The following RBM34 variants were observed in gnomAD, a reference collection of about 807,000 sequenced individuals.
The protein encoded by RBM34 is RNA-binding protein 34.
A neutral mutation model predicts 44.6 loss-of-function variants in RBM34; 39 were observed. The ratio of observed to expected loss-of-function variants is 0.87; its 90% CI spans 0.68 to 1.14. The LOEUF is 1.14. RBM34 is among the 50% of genes most tolerant of loss of function. RBM34 has a pLI of 0.00. For missense variants in RBM34, 572 were observed against 517.9 expected (o/e 1.10, Z -1.01); for synonymous variants, 194 against 184.0 (o/e 1.05, Z -0.44).
chr1:235,135,957 ATTAAG>A (rs1213775996), intron 9 of RBM34, 72 bp downstream of exon 9: 1 of 1,338,592 alleles, frequency 7.5e-7, no homozygotes, highest in Non-Finnish European at 1.0e-6. Context: ...AAATCAAAAC[ATTAAG>A]TTACTACTCA....
chr1:235,159,970 G>A (rs1469735202), intron 3 of RBM34, among the ~76,000 whole-genome samples: 1 of 152,012 alleles, frequency 6.6e-6, no homozygotes, highest in Non-Finnish European at 1.5e-5. Context: ...TAATGAGGTG[G>A]TAGCTGGGCG....
intron 3 of RBM34, chr1:235,160,187 G>C (rs1315570059): frequency 4.4e-6 from 2 of 457,974 alleles, no homozygotes; most frequent in African/African-American, 4.0e-5. Context: ...GGGAAGCGGA[G>C]GTTGCAGTGA....
intron 6 of RBM34, among the ~76,000 whole-genome samples, chr1:235,139,683 A>C (rs1451120219): frequency 6.6e-6 from 1 of 152,210 alleles, no homozygotes; most frequent in African/African-American, 2.4e-5. Context: ...TTACCAGTTA[A>C]GAAGAAACCA....
At chr1:235,140,859 C>T (rs979950561) in intron 6 of RBM34, among the ~76,000 whole-genome samples, 5 of 152,174 alleles carry the variant, frequency 3.3e-5, no homozygotes, top group Admixed American at 6.5e-5. Flanking sequence ...ATGCACCAAT[C>T]GACACTCTAT....
At chr1:235,136,471 C>T (rs567668348) in intron 8 of RBM34, among the ~76,000 whole-genome samples, 1 of 152,210 alleles carries the variant, frequency 6.6e-6, no homozygotes, top group African/African-American at 2.4e-5. Flanking sequence ...GAATGGATGT[C>T]GCTGTGTGTC....
chr1:235,138,967 G>T (rs1661559279), intron 6 of RBM34, among the ~76,000 whole-genome samples: 1 of 152,178 alleles, frequency 6.6e-6, no homozygotes, highest in South Asian at 2.1e-4. Flanking sequence ...TCAAAAGGAT[G>T]GATCAGACTC....
chr1:235,152,034 C>T (rs1413213443), intron 5 of RBM34, among the ~76,000 whole-genome samples: 3 of 148,262 alleles, frequency 2.0e-5, no homozygotes, highest in Non-Finnish European at 4.5e-5. Flanking sequence ...GACTCTGTCT[C>T]AAAAAAAAAA....
rs1456294627 is a variant in RBM34 at position 235,131,634 on chromosome 1, T to G, written c.*79A>C. ...AGAAGTATAAAACTCAACACATGAATAGCAGACGATGCTATCAGCAGATAA... is the reference window on the plus strand; with the variant it reads ...AGAAGTATAAAACTCAACACATGAAGAGCAGACGATGCTATCAGCAGATAA... On this transcript the variant is annotated 3_prime_UTR_variant, in exon 11 of 11. Coordinates refer to ENST00000408888, the MANE Select transcript of RBM34 (RefSeq NM_015014.4). The G allele has an allele frequency of 3.5e-6, 5 of 1,447,126 alleles. No individual in the cohort carries two copies. The African/African-American group carries it at 7.1e-5, about 21-fold the overall frequency. 89.6% of individuals were successfully genotyped at this position (1,447,126 alleles called of 1,614,324 possible).
chr1:235,135,387 C>T (rs1379428912), intron 10 of RBM34, among the ~76,000 whole-genome samples: 1 of 151,994 alleles, frequency 6.6e-6, no homozygotes, highest in Non-Finnish European at 1.5e-5. Context: ...TGCCACCACA[C>T]CTGGATAATT....
intron 5 of RBM34, among the ~76,000 whole-genome samples, chr1:235,151,208 G>A (rs1662146101): frequency 6.6e-6 from 1 of 152,184 alleles, no homozygotes; most frequent in Middle Eastern, 3.2e-3. Flanking sequence ...CACTAGCATG[G>A]GTGAGCCAAT....
chr1:235,159,360 G>A (rs1319393682), intron 3 of RBM34, among the ~76,000 whole-genome samples: 1 of 151,886 alleles, frequency 6.6e-6, no homozygotes, highest in Non-Finnish European at 1.5e-5. Flanking sequence ...GACCAGACTG[G>A]TCAATATGGT....
intron 5 of RBM34, among the ~76,000 whole-genome samples, chr1:235,151,010 T>C (rs140761921): frequency 6.6e-6 from 1 of 152,174 alleles, no homozygotes; most frequent in African/African-American, 2.4e-5. Context: ...GAAGAAGAGC[T>C]TCAGGAAGAC....
chr1:235,152,840 A>G (rs1267400137), intron 4 of RBM34, 75 bp from the exon 5 acceptor site: 62 of 1,313,908 alleles, frequency 4.7e-5, no homozygotes, highest in Non-Finnish European at 6.4e-5. Context: ...GGAATTAAGA[A>G]AAATTGTCTG....
Position 235,159,626 on chromosome 1 carries a change from T to G in RBM34, c.365+885A>C, listed in dbSNP as rs142608167. On this transcript the variant is annotated intron_variant, in intron 3 of 10. Coordinates refer to ENST00000408888, the MANE Select transcript of RBM34 (RefSeq NM_015014.4). ...GGCTCATGCCTATAATCCCTGCACT[T>G]TAGGAGGCTGAGGTGGGTGGATCAC... is the stretch of plus-strand genomic sequence containing the variant. 3.4e-4 allele frequency among the ~76,000 whole-genome samples: 52 copies of G among 151,634 alleles called. No homozygotes were observed. In the East Asian group the frequency reaches 8.9e-3, roughly 26 times the overall value.
rs1387908664 is a variant in RBM34 at position 235,146,417 on chromosome 1, T to C, written c.701+1987A>G. 3.9e-5 allele frequency among the ~76,000 whole-genome samples: 6 copies of C among 152,176 alleles called. No individual in the cohort carries two copies. The East Asian group carries it at 7.7e-4, about 20-fold the overall frequency. ...ACACCAATATAAACAGATCTCCAAG[T>C]TGTACTAAGCAGAAAAAGGGAAGGT... On this transcript the variant is annotated intron_variant, in intron 6 of 10. Transcript: ENST00000408888.
intron 10 of RBM34, among the ~76,000 whole-genome samples, chr1:235,132,709 C>T (rs1023069221): frequency 1.3e-5 from 2 of 152,156 alleles, no homozygotes; most frequent in African/African-American, 2.4e-5. Context: ...CGCTCCATTA[C>T]GAGATGTTGG....
At chr1:235,136,989 T>A (rs1486867295) in intron 8 of RBM34, among the ~76,000 whole-genome samples, 1 of 152,162 alleles carries the variant, frequency 6.6e-6, no homozygotes, top group Non-Finnish European at 1.5e-5. Flanking sequence ...CTCTTCTTTC[T>A]TTTTTCCCCC....
At chr1:235,140,376 G>A (rs564324559) in intron 6 of RBM34, among the ~76,000 whole-genome samples, 78 of 152,144 alleles carry the variant, frequency 5.1e-4, no homozygotes, top group Non-Finnish European at 7.1e-4. Flanking sequence ...CCCGCACTCG[G>A]AGCAGCCGGC....
intron 4 of RBM34, among the ~76,000 whole-genome samples, 197 bp from the exon 5 acceptor site, chr1:235,152,962 C>G (rs1347019892): frequency 6.6e-6 from 1 of 151,242 alleles, no homozygotes; most frequent in Non-Finnish European, 1.5e-5. Flanking sequence ...TCCGCCCCCA[C>G]GGCTTCAAGT....
Sources: allele counts gnomAD v4.1 joint callset (sites outside exome capture counted in the v4.1 genomes callset), GRCh38; gene constraint gnomAD v4.1.1; transcripts MANE v1.5; gene names NCBI Gene and HGNC (gene_info 2026-07-23, HGNC 2026-07-21).